The following GABRB1 variants were observed in gnomAD, a reference collection of about 807,000 sequenced individuals.
GABRB1 encodes gamma-aminobutyric acid receptor subunit beta-1.
A neutral mutation model predicts 51.6 loss-of-function variants in GABRB1; 17 were observed. The observed-to-expected ratio is 0.33, with a 90% confidence interval of 0.23 to 0.49. The LOEUF (loss-of-function observed/expected upper bound fraction) is 0.49. Ranked by LOEUF, GABRB1 falls within the 20% of genes least tolerant of loss-of-function variation. The pLI, the probability that GABRB1 is intolerant of heterozygous loss-of-function variation, is 0.99. For synonymous variants in GABRB1, 247 were observed against 218.9 expected (o/e 1.13, Z -1.14); for missense variants, 410 against 600.6 (o/e 0.68, Z 3.32).
Position 47,095,612 on chromosome 4 carries a change from T to G in GABRB1, c.240+63128T>G, listed in dbSNP as rs553054699. Among the ~76,000 whole-genome samples the G allele has an allele frequency of 5.9e-5, 9 of 152,342 alleles. No individual in the cohort carries two copies. The South Asian group carries it at 1.9e-3, about 32-fold the overall frequency. ...ATGAAATTCACAAATTAATTCTTGA[T>G]TCATACGATCTTTTAATCTTCACAT... is the stretch of plus-strand genomic sequence containing the variant. On this transcript the variant is annotated intron_variant, in intron 3 of 8. Transcript: ENST00000295454.
intron 3 of GABRB1, among the ~76,000 whole-genome samples, chr4:47,115,420 C>A (rs1384975066): frequency 6.6e-6 from 1 of 151,600 alleles, no homozygotes; most frequent in Non-Finnish European, 1.5e-5. Flanking sequence ...AAAATTTTTT[C>A]TTCTTTTTTG....
At chr4:47,254,457 C>T (rs1213366328) in intron 4 of GABRB1, among the ~76,000 whole-genome samples, 1 of 144,896 alleles carries the variant, frequency 6.9e-6, no homozygotes, top group Non-Finnish European at 1.5e-5. Context: ...GCTCCGCCTC[C>T]CGAGTTCACG....
At chr4:47,288,829 A>G (rs1403206137) in intron 4 of GABRB1, among the ~76,000 whole-genome samples, 1 of 152,240 alleles carries the variant, frequency 6.6e-6, no homozygotes, top group Non-Finnish European at 1.5e-5. Flanking sequence ...GCCCAACGTC[A>G]ACAGCTGATG....
intron 4 of GABRB1, among the ~76,000 whole-genome samples, chr4:47,279,458 A>C (rs1723198153): frequency 6.6e-6 from 1 of 152,200 alleles, no homozygotes; most frequent in African/African-American, 2.4e-5. Context: ...GTACTGAGTT[A>C]CAAGGTAAAT....
chr4:47,333,013 A>C (rs2109977273), intron 5 of GABRB1, among the ~76,000 whole-genome samples: 1 of 150,876 alleles, frequency 6.6e-6, no homozygotes, highest in South Asian at 2.1e-4. Flanking sequence ...GCTCCAGCTT[A>C]ATATTCAAAT....
In GABRB1 at chr4:47,339,823, G is replaced by GCACACACACACA. The variant is rs150988131; in HGVS notation, c.544+19636_544+19647dup. Among the ~76,000 whole-genome samples the GCACACACACACA allele has an allele frequency of 4.4e-3, 627 of 141,956 alleles. 2 individuals are homozygous for GCACACACACACA. The highest frequency in any genetic ancestry group is 6.5e-3 in the Non-Finnish European group (419 of 64,784). The allele number at this position is 141,956 out of a possible 152,430, so 93.1% of individuals were successfully genotyped here. On this transcript the variant is annotated intron_variant, in intron 5 of 8. Coordinates refer to ENST00000295454, the MANE Select transcript of GABRB1 (RefSeq NM_000812.4). ...TTTCATAGAGCAAAAATAAATAAAT[G>GCACACACACACA]CACACACACACACACACACACACAC...
chr4:47,293,300 C>CTAAA (rs1289971161), intron 4 of GABRB1, among the ~76,000 whole-genome samples: 86 of 152,246 alleles, frequency 5.6e-4, no homozygotes, highest in African/African-American at 2.0e-3. Context: ...TGCCATAATG[C>CTAAA]TTGGCTAATT....
intron 4 of GABRB1, among the ~76,000 whole-genome samples, chr4:47,231,847 A>G (rs1721155095): frequency 6.6e-6 from 1 of 152,082 alleles, no homozygotes; most frequent in African/African-American, 2.4e-5. Flanking sequence ...TCCATGTTCA[A>G]CTCTGTTGGA....
At chr4:47,114,038 G>GAA (rs1484281163) in intron 3 of GABRB1, among the ~76,000 whole-genome samples, 1 of 152,128 alleles carries the variant, frequency 6.6e-6, no homozygotes, top group Non-Finnish European at 1.5e-5. Flanking sequence ...CCGTGGTTAG[G>GAA]GTTGTCTGAC....
chr4:47,166,759 A>G (rs1214763120), intron 4 of GABRB1, among the ~76,000 whole-genome samples: 1 of 152,084 alleles, frequency 6.6e-6, no homozygotes, highest in Non-Finnish European at 1.5e-5. Flanking sequence ...TTCAAATATA[A>G]CTGGGAAACC....
chr4:47,142,429 G>A (rs1204101937), intron 3 of GABRB1, among the ~76,000 whole-genome samples: 1 of 151,924 alleles, frequency 6.6e-6, no homozygotes, highest in Non-Finnish European at 1.5e-5. Flanking sequence ...AATAAGGGAT[G>A]TGGCTAGGCA....
At chr4:47,087,553 T>TTTA (rs1553914834) in intron 3 of GABRB1, among the ~76,000 whole-genome samples, 80 of 151,902 alleles carry the variant, frequency 5.3e-4, no homozygotes, top group Non-Finnish European at 9.7e-4. Context: ...TTTTTTTTTT[T>TTTA]TTATTATACT....
rs59682924 is a variant in GABRB1 at position 47,426,428 on chromosome 4, C to CAAAAAAAAAA, written c.*420_*429dup. ...GTAAACTATAACAAACTTATGCTGC[C>CAAAAAAAAAA]AAAAAAAAAAAAAAAAAAACATAAA... On this transcript the variant is annotated 3_prime_UTR_variant, in exon 9 of 9. Coordinates refer to ENST00000295454, the MANE Select transcript of GABRB1 (RefSeq NM_000812.4). The CAAAAAAAAAA allele has an allele frequency of 1.2e-5, 1 of 84,816 alleles. No individual in the cohort carries two copies. The highest frequency in any genetic ancestry group is 3.6e-5 in the African/African-American group (1 of 27,650). 5.3% of individuals were successfully genotyped at this position (84,816 alleles called of 1,614,324 possible). A position where few individuals can be genotyped will look rare whatever the true frequency, so the allele number is the denominator to read the frequency against.
intron 5 of GABRB1, among the ~76,000 whole-genome samples, chr4:47,371,763 T>A (rs763325646): frequency 1.3e-5 from 2 of 152,232 alleles, no homozygotes; most frequent in African/African-American, 2.4e-5. Flanking sequence ...TTCATGTCCT[T>A]TGCCCACTTT....
At chr4:47,376,678 G>T (rs13107066) in intron 5 of GABRB1, among the ~76,000 whole-genome samples, 80,716 of 151,840 alleles carry the variant, frequency 0.53, 21,904 homozygotes, top group Non-Finnish European at 0.58. Flanking sequence ...AGCCATAGAT[G>T]ATCTCAGCAG....
At chr4:47,151,023 C>A (rs1434856108) in intron 3 of GABRB1, among the ~76,000 whole-genome samples, 1 of 151,806 alleles carries the variant, frequency 6.6e-6, no homozygotes, top group African/African-American at 2.4e-5. Context: ...GCTATTCATT[C>A]TATTTTAAGA....
At chr4:47,096,516 G>A (rs1025388086) in intron 3 of GABRB1, among the ~76,000 whole-genome samples, 8 of 152,184 alleles carry the variant, frequency 5.3e-5, no homozygotes, top group African/African-American at 1.9e-4. Flanking sequence ...AGATGTTCAT[G>A]CCCTAATCCT....
chr4:47,294,479 C>T (rs1379448244), intron 4 of GABRB1, among the ~76,000 whole-genome samples: 2 of 152,254 alleles, frequency 1.3e-5, no homozygotes, highest in African/African-American at 4.8e-5. Context: ...TCGGAGGGTC[C>T]TACGCCCACA....
intron 5 of GABRB1, among the ~76,000 whole-genome samples, chr4:47,389,310 C>G (rs570029349): frequency 6.6e-6 from 1 of 152,098 alleles, no homozygotes; most frequent in Non-Finnish European, 1.5e-5. Context: ...ATGGGCTGAC[C>G]CTTCCTCTGC....
Sources: allele counts gnomAD v4.1 joint callset (sites outside exome capture counted in the v4.1 genomes callset), GRCh38; gene constraint gnomAD v4.1.1; transcripts MANE v1.5; gene names NCBI Gene and HGNC (gene_info 2026-07-23, HGNC 2026-07-21).